Variants in AFG2B observed in about 807,000 individuals in gnomAD.
The protein encoded by AFG2B is AAA ATPase AFG2B, also known as ATPase family gene 2 protein homolog B.
chr15:45,411,245 C>T, the AFG2B span, among the ~76,000 whole-genome samples: 1 of 152,036 alleles, frequency 6.6e-6, no homozygotes, highest in Non-Finnish European at 1.5e-5. Context: ...TTTAGAAGGC[C>T]GAGACAGGAG....
At chr15:45,411,021 G>A in the AFG2B span, among the ~76,000 whole-genome samples, 1 of 152,166 alleles carries the variant, frequency 6.6e-6, no homozygotes, top group Non-Finnish European at 1.5e-5. Context: ...GGCCAACATG[G>A]TGAAACCCCG....
the AFG2B span, among the ~76,000 whole-genome samples, chr15:45,407,546 C>CT: frequency 7.2e-5 from 11 of 151,808 alleles, no homozygotes; most frequent in East Asian, 5.8e-4. Context: ...GTTAAAAAGG[C>CT]TTTTTTTTAA....
At chr15:45,414,651 G>A in the AFG2B span, 1 of 1,614,106 alleles carries the variant, frequency 6.2e-7, no homozygotes, top group Non-Finnish European at 8.5e-7. Flanking sequence ...TCCTCTATGG[G>A]CCCCCTGGAT....
the AFG2B span, among the ~76,000 whole-genome samples, chr15:45,409,115 C>T: frequency 1.3e-5 from 2 of 152,102 alleles, no homozygotes; most frequent in Non-Finnish European, 2.9e-5. Flanking sequence ...GTGGCTCACA[C>T]CTATAATCCC....
the AFG2B span, chr15:45,417,452 T>G: frequency 6.2e-7 from 1 of 1,600,648 alleles, no homozygotes; most frequent in Non-Finnish European, 8.5e-7. Flanking sequence ...GAATTCCAAC[T>G]TGGATATAGG....
the AFG2B span, chr15:45,402,722 G>A: frequency 2.6e-6 from 4 of 1,564,278 alleles, no homozygotes; most frequent in Non-Finnish European, 3.4e-6. Flanking sequence ...AGCCTGAATC[G>A]CCTCCTCCTA....
chr15:45,403,049 A>C, the AFG2B span: 1 of 1,557,016 alleles, frequency 6.4e-7, no homozygotes, highest in African/African-American at 1.4e-5. Flanking sequence ...GGTCTTTCGG[A>C]GGCGGCCGAC....
the AFG2B span, among the ~76,000 whole-genome samples, chr15:45,409,949 C>T: frequency 2.0e-5 from 3 of 152,198 alleles, no homozygotes; most frequent in African/African-American, 7.2e-5. Context: ...TGGGGATGAC[C>T]TAACGTTTGT....
chr15:45,408,512 T>C, the AFG2B span, among the ~76,000 whole-genome samples: 3 of 152,322 alleles, frequency 2.0e-5, no homozygotes, highest in Admixed American at 2.0e-4. Flanking sequence ...ACAGAAATGT[T>C]CCCATATGTC....
At chr15:45,412,697 G>T in the AFG2B span, among the ~76,000 whole-genome samples, 1,339 of 152,026 alleles carry the variant, frequency 8.8e-3, 103 homozygotes, top group East Asian at 0.19. Context: ...AAGGTGGAAG[G>T]CCTTAGTTTG....
the AFG2B span, among the ~76,000 whole-genome samples, chr15:45,412,837 A>C: frequency 6.6e-6 from 1 of 152,226 alleles, no homozygotes; most frequent in African/African-American, 2.4e-5. Context: ...GCAACTCTTC[A>C]GATCCTCTCA....
At chr15:45,402,934 A>T in the AFG2B span, 5 of 1,597,984 alleles carry the variant, frequency 3.1e-6, no homozygotes, top group Non-Finnish European at 4.2e-6. Context: ...CGTCGGCGGG[A>T]CGCCCAGTCC....
the AFG2B span, among the ~76,000 whole-genome samples, chr15:45,404,636 G>A: frequency 7.9e-5 from 12 of 151,662 alleles, no homozygotes; most frequent in Non-Finnish European, 5.9e-5. Context: ...GTGAAACCCC[G>A]TCTCTGCTAA....
chr15:45,405,667 T>G, the AFG2B span, among the ~76,000 whole-genome samples: 1 of 152,180 alleles, frequency 6.6e-6, no homozygotes, highest in African/African-American at 2.4e-5. Context: ...AAATAGTATA[T>G]GATTGAGGGT....
At chr15:45,403,104 C>A in the AFG2B span, 1 of 1,519,784 alleles carries the variant, frequency 6.6e-7, no homozygotes, top group South Asian at 1.2e-5. Flanking sequence ...ACCCGCGCGC[C>A]CTGACCGCGC....
chr15:45,416,864 G>A, the AFG2B span: 1 of 154,628 alleles, frequency 6.5e-6, no homozygotes, highest in Non-Finnish European at 1.4e-5. Context: ...TTAGGGATAT[G>A]AGAGTCAAGA....
chr15:45,410,465 G>T, the AFG2B span: 11 of 1,613,630 alleles, frequency 6.8e-6, no homozygotes, highest in East Asian at 1.3e-4. Context: ...TGGATTAATG[G>T]ATATCAAGCC....
chr15:45,402,436 C>G, the AFG2B span: 2 of 1,602,732 alleles, frequency 1.2e-6, no homozygotes, highest in East Asian at 2.3e-5. Flanking sequence ...TGCGATGGCT[C>G]CGGACTCGGA....
the AFG2B span, among the ~76,000 whole-genome samples, chr15:45,409,706 A>AT: frequency 3.8e-3 from 578 of 151,680 alleles, no homozygotes; most frequent in African/African-American, 8.9e-3. Flanking sequence ...ACAAAAAAAA[A>AT]ATATATATAT....
Sources: allele counts gnomAD v4.1 joint callset (sites outside exome capture counted in the v4.1 genomes callset), GRCh38; gene constraint gnomAD v4.1.1; transcripts MANE v1.5; gene names NCBI Gene and HGNC (gene_info 2026-07-23, HGNC 2026-07-21).